GRID2: variants seen among roughly 807,000 people sequenced by gnomAD.
GRID2 encodes the protein glutamate ionotropic receptor delta type subunit 2.
In GRID2, 33 loss-of-function variants were observed where a neutral mutation model predicts 114.8. The observed-to-expected ratio is 0.29, with a 90% CI of 0.22 to 0.38. The LOEUF is 0.38. GRID2 is among the 10% of genes least tolerant of loss of function. The pLI is 1.00. For missense variants in GRID2, 1,184 were observed against 1,257.7 expected (o/e 0.94, Z 0.89); for synonymous variants, 505 against 449.9 (o/e 1.12, Z -1.55).
At chr4:92,552,741 C>A (rs547379991) in intron 1 of GRID2, among the ~76,000 whole-genome samples, 1 of 152,022 alleles carries the variant, frequency 6.6e-6, no homozygotes, top group Non-Finnish European at 1.5e-5. Flanking sequence ...AATGTCCAGA[C>A]GAAGGGAAGG....
At chr4:92,816,908 C>A (rs1322377690) in intron 2 of GRID2, among the ~76,000 whole-genome samples, 1 of 152,076 alleles carries the variant, frequency 6.6e-6, no homozygotes, top group African/African-American at 2.4e-5. Context: ...CATGTATCTG[C>A]AATTCTTCTC....
chr4:93,082,979 T>C (rs1203394238), intron 2 of GRID2, among the ~76,000 whole-genome samples: 2 of 152,220 alleles, frequency 1.3e-5, no homozygotes, highest in East Asian at 3.9e-4. Context: ...CCTGTCATGT[T>C]ACATGTGACA....
At chr4:92,645,597 A>G (rs920245997) in intron 2 of GRID2, among the ~76,000 whole-genome samples, 1 of 151,674 alleles carries the variant, frequency 6.6e-6, no homozygotes, top group South Asian at 2.1e-4. Context: ...AGATCAGGAT[A>G]TAGATTTCTA....
intron 8 of GRID2, among the ~76,000 whole-genome samples, chr4:93,257,542 C>T (rs1749733095): frequency 6.6e-6 from 1 of 151,592 alleles, no homozygotes; most frequent in African/African-American, 2.4e-5. Flanking sequence ...AGATAGAAGA[C>T]ATTTAAGCCT....
intron 11 of GRID2, among the ~76,000 whole-genome samples, chr4:93,479,656 G>T (rs1166398022): frequency 6.6e-6 from 1 of 152,104 alleles, no homozygotes; most frequent in Non-Finnish European, 1.5e-5. Flanking sequence ...ATGTCCAGGG[G>T]CAGGGGAAAA....
chr4:92,917,666 G>C (rs540702874), intron 2 of GRID2, among the ~76,000 whole-genome samples: 3 of 152,130 alleles, frequency 2.0e-5, no homozygotes, highest in Admixed American at 6.6e-5. Flanking sequence ...TTGTAGATAT[G>C]TGGCATTATT....
At chr4:93,211,681 G>A (rs1294669638) in intron 5 of GRID2, among the ~76,000 whole-genome samples, 2 of 152,024 alleles carry the variant, frequency 1.3e-5, no homozygotes, top group East Asian at 3.9e-4. Context: ...TTGTCTTCCA[G>A]CAGAGGTATA....
intron 2 of GRID2, among the ~76,000 whole-genome samples, chr4:92,863,707 T>C (rs909482666): frequency 1.3e-5 from 2 of 152,156 alleles, no homozygotes; most frequent in African/African-American, 2.4e-5. Context: ...TGTCGGGAAG[T>C]ATAGCTGAAA....
At chr4:92,913,187 A>C (rs1560693775) in intron 2 of GRID2, among the ~76,000 whole-genome samples, 1 of 151,852 alleles carries the variant, frequency 6.6e-6, no homozygotes, top group Non-Finnish European at 1.5e-5. Context: ...TCATGATAAA[A>C]GTTTTGTGAA....
intron 2 of GRID2, among the ~76,000 whole-genome samples, chr4:92,894,018 A>T (rs1746980035): frequency 6.6e-6 from 1 of 151,518 alleles, no homozygotes; most frequent in Admixed American, 6.6e-5. Context: ...GAGTGTGGGT[A>T]CTAAGAAAAT....
intron 2 of GRID2, among the ~76,000 whole-genome samples, chr4:92,724,666 C>T (rs990035444): frequency 2.6e-5 from 4 of 151,518 alleles, no homozygotes; most frequent in Non-Finnish European, 2.9e-5. Context: ...AACTGTAACA[C>T]CTTGAACAAG....
At position 93,398,113 on chromosome 4, in the gene GRID2, A is replaced by G. The variant is rs1242405907; in HGVS notation, c.1347+2405A>G. Reference sequence around the variant, plus strand: ...AACTGAGACATCCAGAAGTTGAAATACATACATGTATGTGTGTGTGTATAT... The same window carrying G: ...AACTGAGACATCCAGAAGTTGAAATGCATACATGTATGTGTGTGTGTATAT... On this transcript the variant is annotated intron_variant, in intron 9 of 15. Coordinates refer to ENST00000282020, the MANE Select transcript of GRID2 (RefSeq NM_001510.4). 4.3e-5 allele frequency among the ~76,000 whole-genome samples: 6 copies of G among 139,356 alleles called. No individual in the cohort carries two copies. In the East Asian group the frequency reaches 1.2e-3, roughly 28 times the overall value. 91.4% of individuals were successfully genotyped at this position (139,356 alleles called of 152,430 possible). A position where few individuals can be genotyped will look rare whatever the true frequency, so the allele number is the denominator to read the frequency against.
intron 1 of GRID2, among the ~76,000 whole-genome samples, chr4:92,574,876 A>T (rs1289537999): frequency 6.6e-6 from 1 of 152,118 alleles, no homozygotes; most frequent in East Asian, 1.9e-4. Flanking sequence ...CTTTCTTGCT[A>T]GGTTGGGGAA....
chr4:92,526,751 AAC>A (rs1320445473), intron 1 of GRID2, among the ~76,000 whole-genome samples: 2 of 144,980 alleles, frequency 1.4e-5, no homozygotes, highest in Admixed American at 1.4e-4. Context: ...CACACACACA[AAC>A]ACACGCACAG....
At chr4:93,295,635 C>A (rs1426942052) in intron 8 of GRID2, among the ~76,000 whole-genome samples, 1 of 152,120 alleles carries the variant, frequency 6.6e-6, no homozygotes, top group Non-Finnish European at 1.5e-5. Flanking sequence ...TCCTCTTCAT[C>A]CTTCTCATTT....
At chr4:92,580,635 T>C (rs1322370685) in intron 1 of GRID2, among the ~76,000 whole-genome samples, 1 of 151,960 alleles carries the variant, frequency 6.6e-6, no homozygotes, top group Non-Finnish European at 1.5e-5. Flanking sequence ...GTGTGCAAAA[T>C]GAGTTTGACC....
chr4:92,907,475 G>A (rs980361082), intron 2 of GRID2, among the ~76,000 whole-genome samples: 8 of 151,958 alleles, frequency 5.3e-5, no homozygotes, highest in African/African-American at 4.8e-5. Context: ...GCAATGGCGC[G>A]ATCTTGGCTC....
intron 1 of GRID2, among the ~76,000 whole-genome samples, chr4:92,349,004 G>A (rs1727926547): frequency 6.6e-6 from 1 of 150,890 alleles, no homozygotes; most frequent in African/African-American, 2.4e-5. Flanking sequence ...ACCAATACTA[G>A]AGTGCTTTTT....
chr4:93,576,627 C>T (rs924199806), intron 13 of GRID2, among the ~76,000 whole-genome samples: 2 of 152,108 alleles, frequency 1.3e-5, no homozygotes, highest in African/African-American at 4.8e-5. Flanking sequence ...GAATATTGCC[C>T]ACATGAAGTA....
Sources: allele counts gnomAD v4.1 joint callset (sites outside exome capture counted in the v4.1 genomes callset), GRCh38; gene constraint gnomAD v4.1.1; transcripts MANE v1.5; gene names NCBI Gene and HGNC (gene_info 2026-07-23, HGNC 2026-07-21).